PPFIA4: variants seen among roughly 807,000 people sequenced by gnomAD.
The protein encoded by PPFIA4 is PPFI scaffold protein A4, also known as liprin-alpha-4.
In PPFIA4, 98 loss-of-function variants were observed where a neutral mutation model predicts 145.7. The ratio of observed to expected loss-of-function variants is 0.67; its 90% CI spans 0.57 to 0.80. The LOEUF (loss-of-function observed/expected upper bound fraction) is 0.80, where lower values mean the gene tolerates loss of function less well. Ranked by LOEUF, PPFIA4 falls within the 30% of genes least tolerant of loss-of-function variation. The pLI is 0.00. For synonymous variants in PPFIA4, 628 were observed against 649.6 expected (o/e 0.97, Z 0.51); for missense variants, 1,457 against 1,632.7 (o/e 0.89, Z 1.85).
chr1:203,058,439 G>C (rs1280444869), intron 19 of PPFIA4, among the ~76,000 whole-genome samples: 2 of 152,198 alleles, frequency 1.3e-5, no homozygotes, highest in African/African-American at 4.8e-5. Flanking sequence ...GCCACAGACA[G>C]GGGAAGCTGA....
Position 203,068,461 on chromosome 1 carries a change from G to A in PPFIA4, c.3157G>A (p.Val1053Ile), listed in dbSNP as rs749141220. Residue 1053 changes from valine to isoleucine, a missense_variant, in exon 27 of 30, where the codon GTC becomes ATC. Physicochemically the swap from Val to Ile is conservative, Grantham distance 29. Around this residue, in one of 3 missense-constraint regions of PPFIA4, gnomAD observed 848 missense variants for 1,046.7 expected, o/e 0.81. Transcript: ENST00000295706. The surrounding 1 kb of genome is among the most constrained non-coding windows in gnomAD (Gnocchi z 4.7). Reference sequence around the variant, plus strand: ...CTTCCCCCACACTCCAGATGTGTTAGTCTGGACCAACGACCAGGTGGTTCA... The same window carrying A: ...CTTCCCCCACACTCCAGATGTGTTAATCTGGACCAACGACCAGGTGGTTCA... ...ESQHEIKDVL[V>I]WTNDQVVHWV... The A allele has an allele frequency of 2.5e-6, 4 of 1,604,742 alleles. No individual in the cohort carries two copies. In the South Asian group the frequency reaches 4.5e-5, roughly 18 times the overall value.
At chr1:203,059,979 A>G in intron 21 of PPFIA4, 128 bp downstream of exon 21, 1 of 847,178 alleles carries the variant, frequency 1.2e-6, no homozygotes, top group East Asian at 2.7e-5. Context: ...TGCCATACCT[A>G]GCATTTAGCC....
chr1:203,052,247 T>G (rs1248229765), intron 14 of PPFIA4, among the ~76,000 whole-genome samples: 1 of 152,080 alleles, frequency 6.6e-6, no homozygotes, highest in East Asian at 1.9e-4. Flanking sequence ...AAGCTGTGGT[T>G]CATGGCGGAG....
At position 203,044,341 on chromosome 1, in the gene PPFIA4, T is replaced by C. The variant is rs761211285; in HGVS notation, c.502-38T>C. 1.3e-5 allele frequency: 20 copies of C among 1,538,316 alleles called. No homozygotes were observed. In the South Asian group the frequency reaches 2.4e-4, roughly 18 times the overall value. On this transcript the variant is annotated intron_variant, in intron 4 of 29. Coordinates refer to ENST00000295706, the MANE Select transcript of PPFIA4 (RefSeq NM_001304331.2). ...CTCTTCCAGCCTGACTCAAGTGGGG[T>C]CCCCCTTTCTTCCTCCATCTCCCCT...
rs61756414 is a variant in PPFIA4, at chr1:203,048,915, C to A, written c.1357-3C>A. 3.2e-6 allele frequency: 5 copies of A among 1,548,220 alleles called. No homozygotes were observed. The highest frequency in any genetic ancestry group is 4.4e-6 in the Non-Finnish European group (5 of 1,146,824). ...GGCCTGGCTCACAGCTGCTCTCCCC[C>A]AGAACACGTTGATCCAGGAGTTGGA... On this transcript the variant is annotated splice_region_variant and splice_polypyrimidine_tract_variant and intron_variant, in intron 11 of 29. Coordinates refer to ENST00000295706, the MANE Select transcript of PPFIA4 (RefSeq NM_001304331.2). The surrounding 1 kb of genome is among the most constrained non-coding windows in gnomAD (Gnocchi z 5.8).
intron 13 of PPFIA4, among the ~76,000 whole-genome samples, chr1:203,050,008 C>T (rs1660389138): frequency 6.6e-6 from 1 of 152,222 alleles, no homozygotes; most frequent in Non-Finnish European, 1.5e-5. Context: ...TGCTCTGTCC[C>T]CGCTGTGGTA....
At chr1:203,042,518 G>A (rs1362583511) in intron 2 of PPFIA4, among the ~76,000 whole-genome samples, 1 of 152,234 alleles carries the variant, frequency 6.6e-6, no homozygotes, top group African/African-American at 2.4e-5. Flanking sequence ...CCTTTGATCT[G>A]CTTATTTCAC....
At chr1:203,046,210 C>G in intron 8 of PPFIA4, 38 bp from the exon 9 acceptor site, 4 of 1,562,778 alleles carry the variant, frequency 2.6e-6, no homozygotes, top group Non-Finnish European at 3.5e-6. Context: ...GGCTTCAGTG[C>G]TCCCTTTTGA....
intron 1 of PPFIA4, among the ~76,000 whole-genome samples, chr1:203,029,023 A>G (rs1352621950): frequency 6.6e-6 from 1 of 152,016 alleles, no homozygotes; most frequent in East Asian, 1.9e-4. Flanking sequence ...CATTTGCTGT[A>G]CTGGGAGGGG....
chr1:203,037,937 C>T (rs558316267), intron 1 of PPFIA4, among the ~76,000 whole-genome samples: 24 of 152,300 alleles, frequency 1.6e-4, no homozygotes, highest in Admixed American at 3.3e-4. Flanking sequence ...GCGTGCTGTC[C>T]TCCTTGGCAG....
intron 20 of PPFIA4, 109 bp downstream of exon 20, chr1:203,059,380 C>A: frequency 2.1e-6 from 2 of 973,460 alleles, no homozygotes; most frequent in South Asian, 1.5e-5. Flanking sequence ...CCCAGCAAGG[C>A]CCTTCCTGAA....
At chr1:203,041,462 A>G (rs1480750265) in intron 2 of PPFIA4, among the ~76,000 whole-genome samples, 2 of 152,132 alleles carry the variant, frequency 1.3e-5, no homozygotes, top group African/African-American at 2.4e-5. Context: ...CATGGTGGCA[A>G]ATGCCTATGC....
rs554060836 is a variant in PPFIA4 at position 203,031,485 on chromosome 1, G to A, written c.-400+4856G>A. ...CCCCCATTCTCTTTTCGTACTGCCC[G>A]CCACTTCTGTGACCACATACTAATG... On this transcript the variant is annotated intron_variant, in intron 1 of 29. Transcript: ENST00000295706. Among the ~76,000 whole-genome samples the A allele has an allele frequency of 2.0e-5, 3 of 151,900 alleles. No individual in the cohort carries two copies. The East Asian group carries it at 5.8e-4, about 30-fold the overall frequency.
intron 1 of PPFIA4, among the ~76,000 whole-genome samples, chr1:203,031,624 C>T (rs1658839334): frequency 6.6e-6 from 1 of 152,234 alleles, no homozygotes; most frequent in Non-Finnish European, 1.5e-5. Context: ...CGATGGCTCC[C>T]TAATCTGATG....
At chr1:203,074,401 A>G (rs1316268644) in intron 28 of PPFIA4, among the ~76,000 whole-genome samples, 1 of 152,206 alleles carries the variant, frequency 6.6e-6, no homozygotes, top group Non-Finnish European at 1.5e-5. Flanking sequence ...TAAAAGTATT[A>G]TAATCTTATG....
chr1:203,075,633 G>A lies in PPFIA4; in HGVS notation c.3450G>A (p.Arg1150=), dbSNP rs1558107331. The stretch of plus-strand genomic sequence containing the variant: ...CCTGGAGGAAGCGCTTCCGGCCGCG[G>A]GAGCACCACGGTCGCGGCGGCATGC... ...APSWRKRFRP[R]EHHGRGGMLS... is the part of the protein sequence containing the mutation. The change falls in exon 29 of 30, where the codon CGG becomes CGA. Residue 1150 remains arginine, a synonymous_variant. Coordinates refer to ENST00000295706, the MANE Select transcript of PPFIA4 (RefSeq NM_001304331.2). This position sits in a 1 kb window ranked among gnomAD's most constrained non-coding sequence, Gnocchi z 4.1. 1 of 1,489,902 alleles carries A rather than the reference G, an allele frequency of 6.7e-7. No individual in the cohort carries two copies. Among genetic ancestry groups the A allele is most frequent in the Non-Finnish European group, 8.9e-7 (1 of 1,118,856 alleles). 92.3% of individuals were successfully genotyped at this position (1,489,902 alleles called of 1,614,324 possible).
Position 203,062,479 on chromosome 1 carries a change from CAAAAAAAAAA to C in PPFIA4, c.2874+819_2874+828del, listed in dbSNP as rs34987795. On this transcript the variant is annotated intron_variant, in intron 24 of 29. Coordinates refer to ENST00000295706, the MANE Select transcript of PPFIA4 (RefSeq NM_001304331.2). ...TGGGTGACAGAGCAAGACTCCGTCT[CAAAAAAAAAA>C]AAAAAAAAAAAAAAAAAGATAGTCT... Among the ~76,000 whole-genome samples, 11 of 35,364 alleles carry C rather than the reference CAAAAAAAAAA, an allele frequency of 3.1e-4. 1 individual carries two copies. The highest frequency in any genetic ancestry group is 3.8e-4 in the Non-Finnish European group (7 of 18,534). The allele number at this position is 35,364 out of a possible 152,430, so 23.2% of individuals were successfully genotyped here.
chr1:203,053,613 C>A, intron 14 of PPFIA4, 140 bp from the exon 15 acceptor site: 1 of 696,396 alleles, frequency 1.4e-6, no homozygotes, highest in Non-Finnish European at 2.4e-6. Context: ...ATCAGTAGGT[C>A]TGGTGGTGCG....
intron 12 of PPFIA4, among the ~76,000 whole-genome samples, chr1:203,049,344 G>A (rs1438414339): frequency 1.3e-5 from 2 of 152,182 alleles, no homozygotes; most frequent in Non-Finnish European, 2.9e-5. Context: ...GAGGTCTGAG[G>A]GGGTGCTGGG....
Sources: gnomAD v4.1 joint callset for allele counts (sites outside exome capture counted in the v4.1 genomes callset) on GRCh38, gnomAD v4.1.1 for gene constraint, gnomAD v4.1.1 regional missense constraint, Gnocchi (gnomAD v3.1) non-coding constraint, MANE v1.5 for transcripts, NCBI Gene and HGNC (gene_info 2026-07-23, HGNC 2026-07-21) for gene names.